The following TENM2 variants were observed in gnomAD, a reference collection of about 807,000 sequenced individuals.
TENM2 encodes teneurin-2.
A neutral mutation model predicts 245.2 loss-of-function variants in TENM2; 52 were observed. The observed-to-expected ratio is 0.21, with a 90% CI of 0.17 to 0.27. TENM2 has a LOEUF of 0.27. Ranked by LOEUF, TENM2 falls within the 10% of genes least tolerant of loss-of-function variation. TENM2 has a pLI of 1.00. For synonymous variants in TENM2, 1,363 were observed against 1,438.9 expected (o/e 0.95, Z 1.19); for missense variants, 3,046 against 3,666.8 (o/e 0.83, Z 4.37).
At chr5:168,123,351 GA>G (rs1264256345) in intron 10 of TENM2, among the ~76,000 whole-genome samples, 2 of 151,936 alleles carry the variant, frequency 1.3e-5, no homozygotes, top group Non-Finnish European at 2.9e-5. Flanking sequence ...CATAGGGAAA[GA>G]AAAAAAGACA....
intron 2 of TENM2, among the ~76,000 whole-genome samples, chr5:167,471,377 G>T (rs1193153173): frequency 6.6e-6 from 1 of 152,128 alleles, no homozygotes; most frequent in Non-Finnish European, 1.5e-5. Context: ...ATAATCTGTA[G>T]CAGTTTTCTA....
At chr5:168,027,154 G>A (rs1404922785) in intron 5 of TENM2, among the ~76,000 whole-genome samples, 6 of 152,104 alleles carry the variant, frequency 3.9e-5, no homozygotes, top group South Asian at 2.1e-4. Flanking sequence ...CACTCCCCAC[G>A]CTGTGGAGAG....
In TENM2 at chr5:167,842,664, C is replaced by A. The variant is rs375084016; in HGVS notation, c.503-33322C>A. On this transcript the variant is annotated intron_variant, in intron 2 of 28. Coordinates refer to ENST00000518659, the Ensembl canonical transcript of TENM2. The stretch of plus-strand genomic sequence containing the variant: ...ACCATTTATATATGGCTCTTCTGCA[C>A]AAACCCAGGTAGAGTTTGCACCCCA... Among the ~76,000 whole-genome samples the A allele has an allele frequency of 6.0e-5, 9 of 149,446 alleles. No homozygotes were observed. The South Asian group carries it at 2.0e-3, about 32-fold the overall frequency.
chr5:168,031,190 G>A (rs1311080234), intron 5 of TENM2, among the ~76,000 whole-genome samples: 3 of 152,126 alleles, frequency 2.0e-5, no homozygotes, highest in Non-Finnish European at 4.4e-5. Context: ...ATGGGATCGG[G>A]GATCTGTGCT....
At chr5:167,884,896 C>T (rs1011502084) in intron 3 of TENM2, among the ~76,000 whole-genome samples, 1 of 152,202 alleles carries the variant, frequency 6.6e-6, no homozygotes, top group African/African-American at 2.4e-5. Context: ...GCTCCAGTCA[C>T]TCTACATCTT....
At chr5:167,844,109 T>G (rs1346431258) in intron 2 of TENM2, among the ~76,000 whole-genome samples, 1 of 152,190 alleles carries the variant, frequency 6.6e-6, no homozygotes, top group African/African-American at 2.4e-5. Flanking sequence ...AGTTATGACT[T>G]ATGACTCAAG....
chr5:167,376,187 A>G (rs1332583336), intron 2 of TENM2, among the ~76,000 whole-genome samples: 1 of 152,232 alleles, frequency 6.6e-6, no homozygotes, highest in Admixed American at 6.5e-5. Context: ...CAAAGTCATT[A>G]AAGAGATAAG....
At chr5:167,580,111 T>C (rs1774987334) in intron 2 of TENM2, among the ~76,000 whole-genome samples, 1 of 152,206 alleles carries the variant, frequency 6.6e-6, no homozygotes, top group South Asian at 2.1e-4. Flanking sequence ...TATCCAGGGT[T>C]TGAATTTCCA....
chr5:167,695,825 G>A (rs75678085), intron 2 of TENM2, among the ~76,000 whole-genome samples: 30,843 of 151,436 alleles, frequency 0.2, 3,597 homozygotes, highest in East Asian at 0.5. Context: ...ACGAGGTCAG[G>A]AGATCGAGAC....
chr5:168,262,356 T>C (rs763299061), exon 29 of TENM2: 137 of 1,606,938 alleles, frequency 8.5e-5, no homozygotes, highest in Non-Finnish European at 1.1e-4. Context: ...TTTGTGAAGA[T>C]TGGCTCAGCC....
the TENM2 span, among the ~76,000 whole-genome samples, chr5:167,067,683 G>T: frequency 1.5e-4 from 23 of 152,162 alleles, no homozygotes; most frequent in African/African-American, 5.6e-4. Context: ...TCTTTATGAT[G>T]TTGGTCAGGA....
intron 2 of TENM2, among the ~76,000 whole-genome samples, chr5:167,747,187 C>A (rs1259008062): frequency 6.6e-6 from 1 of 152,064 alleles, no homozygotes; most frequent in Admixed American, 6.6e-5. Flanking sequence ...GAATAAAGAA[C>A]CTTTCAAGCC....
At chr5:168,196,589 G>A (rs1434023392) in intron 15 of TENM2, among the ~76,000 whole-genome samples, 15 of 152,132 alleles carry the variant, frequency 9.9e-5, no homozygotes, top group Admixed American at 9.8e-4. Context: ...AGCCTCCCGA[G>A]TAGCTGGGAT....
At chr5:168,000,061 T>C (rs561778749) in intron 5 of TENM2, among the ~76,000 whole-genome samples, 18 of 152,356 alleles carry the variant, frequency 1.2e-4, no homozygotes, top group African/African-American at 4.3e-4. Flanking sequence ...ATGATCTCTC[T>C]AGCAGTCATC....
At chr5:167,211,013 C>T in the TENM2 span, among the ~76,000 whole-genome samples, 1 of 152,104 alleles carries the variant, frequency 6.6e-6, no homozygotes, top group Non-Finnish European at 1.5e-5. Flanking sequence ...GCACAAATAT[C>T]TCTTGACAAG....
intron 7 of TENM2, among the ~76,000 whole-genome samples, chr5:168,072,800 A>C (rs1016342053): frequency 6.6e-6 from 1 of 152,222 alleles, no homozygotes; most frequent in African/African-American, 2.4e-5. Context: ...GAATCAATCA[A>C]TCTAACTGGC....
intron 2 of TENM2, among the ~76,000 whole-genome samples, chr5:167,698,344 C>A (rs946087169): frequency 6.6e-6 from 1 of 152,172 alleles, no homozygotes; most frequent in Admixed American, 6.5e-5. Context: ...CTGTCATAGA[C>A]CATGTTTTAC....
At chr5:167,944,531 TTGAC>T (rs1407758594) in intron 3 of TENM2, among the ~76,000 whole-genome samples, 7 of 152,312 alleles carry the variant, frequency 4.6e-5, no homozygotes, top group African/African-American at 1.4e-4. Flanking sequence ...AGATTGAACT[TTGAC>T]TGGCTCTGAT....
chr5:167,043,347 T>C, the TENM2 span, among the ~76,000 whole-genome samples: 1 of 152,204 alleles, frequency 6.6e-6, no homozygotes, highest in Non-Finnish European at 1.5e-5. Flanking sequence ...CAACATGCAA[T>C]TTGCAGATAC....
Sources: allele counts gnomAD v4.1 joint callset (sites outside exome capture counted in the v4.1 genomes callset), GRCh38; gene constraint gnomAD v4.1.1; transcripts MANE v1.5; gene names NCBI Gene and HGNC (gene_info 2026-07-23, HGNC 2026-07-21).